Variants in MSH5 observed in about 807,000 individuals in gnomAD.
MSH5 encodes mutS protein homolog 5.
In MSH5, 78 loss-of-function variants were observed where a neutral mutation model predicts 107.7. That is an observed-to-expected ratio of 0.72 (90% CI 0.60 to 0.87). The LOEUF (loss-of-function observed/expected upper bound fraction) is 0.87. Among genes scored for constraint, MSH5 ranks in the 40% least tolerant of loss-of-function variants. The probability of loss-of-function intolerance (pLI) is 0.00; values close to 1 mark genes in which losing one functional copy is unlikely to be tolerated. For synonymous variants in MSH5, 326 were observed against 399.5 expected (o/e 0.82, Z 2.19); for missense variants, 889 against 1,046.6 (o/e 0.85, Z 2.08).
intron 10 of MSH5, among the ~76,000 whole-genome samples, chr6:31,752,301 C>T (rs1308442559): frequency 6.7e-6 from 1 of 150,188 alleles, no homozygotes; most frequent in Non-Finnish European, 1.5e-5. Context: ...TAGCTGAGCA[C>T]AGTGGCGGGT....
chr6:31,759,899 A>G lies in MSH5; in HGVS notation c.1609A>G (p.Ser537Gly). ...CCTGGACGTCCTGCTGGCTCTTGCC[A>G]GTGCTGCCCGGGACTATGGCTACTC... ...SRLDVLLALA[S>G]AARDYGYSRP... is the part of the protein sequence containing the mutation. The change falls in exon 18 of 25, where the codon AGT becomes GGT. Residue 537 changes from serine (S) to glycine (G), a missense_variant. Ser to Gly is a moderately conservative substitution (Grantham distance 56, BLOSUM62 0). Around this residue, in one of 3 missense-constraint regions of MSH5, gnomAD observed 362 missense variants for 456.2 expected, o/e 0.79. Coordinates refer to ENST00000375750, the MANE Select transcript of MSH5 (RefSeq NM_172166.4). The surrounding 1 kb of genome is among the most constrained non-coding windows in gnomAD (Gnocchi z 4.7). 2 of 1,614,200 alleles carry G rather than the reference A, an allele frequency of 1.2e-6. No homozygotes were observed. Among genetic ancestry groups the G allele is most frequent in the Non-Finnish European group, 1.7e-6 (2 of 1,180,024 alleles).
intron 10 of MSH5, among the ~76,000 whole-genome samples, chr6:31,749,965 T>G (rs1809802390): frequency 6.6e-6 from 1 of 152,174 alleles, no homozygotes; most frequent in Non-Finnish European, 1.5e-5. Context: ...CATCTCCAGG[T>G]AATCAGCATC....
intron 10 of MSH5, among the ~76,000 whole-genome samples, chr6:31,748,069 A>G (rs1809620846): frequency 6.6e-6 from 1 of 152,008 alleles, no homozygotes; most frequent in Non-Finnish European, 1.5e-5. Flanking sequence ...GTTATAGAAA[A>G]CACACTTCAC....
intron 10 of MSH5, among the ~76,000 whole-genome samples, chr6:31,749,872 C>T (rs1269064141): frequency 6.6e-6 from 1 of 152,190 alleles, no homozygotes; most frequent in African/African-American, 2.4e-5. Context: ...CTTTGCTAGC[C>T]TCAGGTGCAC....
Position 31,744,600 on chromosome 6 carries a change from G to C in MSH5, c.683+19G>C. The stretch of plus-strand genomic sequence containing the variant: ...CTTACAGGTAAAGAGGTGGAGGCAT[G>C]CTGCTGTCTCTGGGGAGGGAGAAGG... On this transcript the variant is annotated intron_variant, in intron 8 of 24. Transcript: ENST00000375750. The C allele has an allele frequency of 1.2e-6, 2 of 1,612,944 alleles. No individual in the cohort carries two copies. The highest frequency in any genetic ancestry group is 1.7e-6 in the Non-Finnish European group (2 of 1,179,804).
At position 31,742,849 on chromosome 6, in the gene MSH5, C is replaced by T. The variant is rs562039818; in HGVS notation, c.272-28C>T. 6 of 1,606,572 alleles carry T rather than the reference C, an allele frequency of 3.7e-6. No homozygotes were observed. In the East Asian group the frequency reaches 1.1e-4, roughly 30 times the overall value. On this transcript the variant is annotated intron_variant, in intron 3 of 24. Transcript: ENST00000375750. ...TTAGTCAAAGACAAAGATCCTTTAA[C>T]TCATTTGATCTCTGTTCTCCTTCCA...
chr6:31,745,331 C>A lies in MSH5; in HGVS notation c.766+12C>A. 1 of 1,590,652 alleles carries A rather than the reference C, an allele frequency of 6.3e-7. No individual in the cohort carries two copies. The highest frequency in any genetic ancestry group is 8.6e-7 in the Non-Finnish European group (1 of 1,159,630). ...GCTCAGCCTCTTTGGTAGGTGTGCC[C>A]CATCCCTCATCTCACATTACAAAGA... On this transcript the variant is annotated intron_variant, in intron 9 of 24. Transcript: ENST00000375750.
At chr6:31,755,264 C>T (rs768042900) in intron 12 of MSH5, among the ~76,000 whole-genome samples, 2 of 152,084 alleles carry the variant, frequency 1.3e-5, no homozygotes, top group African/African-American at 2.4e-5. Flanking sequence ...CGATCCTCCC[C>T]CCTCAGCCTC....
rs1225229120 is a variant in MSH5, at chr6:31,753,446, CCAGGGTGGAGGG to C, written c.951+13_951+24del. 1.2e-6 allele frequency: 2 copies of C among 1,613,236 alleles called. No individual in the cohort carries two copies. On this transcript the variant is annotated splice_region_variant and intron_variant, in intron 11 of 24. Transcript: ENST00000375750. ...TCACATCAAGAACGTGCCTGTGAGC[CCAGGGTGGAGGG>C]CAGGGAGGTGGGGAAGGAGGTTGAG...
intron 10 of MSH5, among the ~76,000 whole-genome samples, chr6:31,751,825 G>A (rs1399076228): frequency 2.0e-5 from 3 of 152,024 alleles, no homozygotes; most frequent in Non-Finnish European, 4.4e-5. Flanking sequence ...ATGGCCAGGC[G>A]CAGTAGCTCA....
chr6:31,744,148 G>A lies in MSH5; in HGVS notation c.538-42G>A. 2.5e-6 allele frequency: 4 copies of A among 1,596,554 alleles called. No individual in the cohort carries two copies. The South Asian group carries it at 3.4e-5, about 14-fold the overall frequency. On this transcript the variant is annotated intron_variant, in intron 6 of 24. Coordinates refer to ENST00000375750, the MANE Select transcript of MSH5 (RefSeq NM_172166.4). ...CCCTGGTGCTCTGCAGCCCCCAGGAGATTTAAGATTTACCCCGATTCCACT... is the reference window on the plus strand; with the variant it reads ...CCCTGGTGCTCTGCAGCCCCCAGGAAATTTAAGATTTACCCCGATTCCACT...
Position 31,760,924 on chromosome 6 carries a change from C to CAGCAGAGGGCATGCTTT in MSH5, c.1962+85_1962+86insAGCAGAGGGCATGCTTT. 6.9e-7 allele frequency: 1 copy of CAGCAGAGGGCATGCTTT among 1,447,044 alleles called. No homozygotes were observed. The highest frequency in any genetic ancestry group is 9.4e-7 in the Non-Finnish European group (1 of 1,065,230). The allele number at this position is 1,447,044 out of a possible 1,614,324, so 89.6% of individuals were successfully genotyped here. A position where few individuals can be genotyped will look rare whatever the true frequency, so the allele number is the denominator to read the frequency against. On this transcript the variant is annotated intron_variant, in intron 20 of 24. Transcript: ENST00000375750. The surrounding 1 kb of genome is among the most constrained non-coding windows in gnomAD (Gnocchi z 5.6). ...AAAATGCTCATAACAGGAAAGCATGCCCTCTGCTGCATGCCCTTTATACTA... is the reference window on the plus strand; with the variant it reads ...AAAATGCTCATAACAGGAAAGCATGCAGCAGAGGGCATGCTTTCCTCTGCTGCATGCCCTTTATACTA...
rs775491891 is a variant in MSH5, at chr6:31,759,931, G to C, written c.1641G>C (p.Pro547=). Residue 547 remains proline, a synonymous_variant, in exon 18 of 25, where the codon CCG becomes CCC. Coordinates refer to ENST00000375750, the MANE Select transcript of MSH5 (RefSeq NM_172166.4). This position sits in a 1 kb window ranked among gnomAD's most constrained non-coding sequence, Gnocchi z 4.7. ...SAARDYGYSR[P]RYSPQVLGVR... is the part of the protein sequence containing the mutation. The stretch of plus-strand genomic sequence containing the variant: ...CCCGGGACTATGGCTACTCAAGGCC[G>C]CGTTACTCCCCACAAGTCCTTGGGG... The C allele has an allele frequency of 1.2e-5, 20 of 1,614,082 alleles. No individual in the cohort carries two copies. The highest frequency in any genetic ancestry group is 1.6e-5 in the Non-Finnish European group (19 of 1,180,038).
In MSH5 at chr6:31,740,436, CACTT is replaced by C; in HGVS notation, c.-13-17_-13-14del. ...TGAATCGTTGCTTCCGAACCGCCCT[CACTT>C]TTTGCATCCGCAGAGCCTCCAAGCT... On this transcript the variant is annotated splice_polypyrimidine_tract_variant and intron_variant, in intron 1 of 24. Transcript: ENST00000375750. This position sits in a 1 kb window ranked among gnomAD's most constrained non-coding sequence, Gnocchi z 4.4. 6.5e-7 allele frequency: 1 copy of C among 1,546,932 alleles called. No homozygotes were observed. The highest frequency in any genetic ancestry group is 8.7e-7 in the Non-Finnish European group (1 of 1,145,128).
In MSH5 at chr6:31,741,035, A is replaced by G. The variant is rs971264885; in HGVS notation, c.148-128A>G. 78 of 1,230,690 alleles carry G rather than the reference A, an allele frequency of 6.3e-5. 1 individual carries two copies. Among genetic ancestry groups the G allele is most frequent in the Non-Finnish European group, 7.9e-6 (7 of 888,762 alleles). The allele number at this position is 1,230,690 out of a possible 1,614,324, so 76.2% of individuals were successfully genotyped here. On this transcript the variant is annotated intron_variant, in intron 2 of 24. Transcript: ENST00000375750. ...CTTACCTCCTGAGTGGCTGTTTCACATTCACTAAATGGGGGTGATGATGCC... is the reference window on the plus strand; with the variant it reads ...CTTACCTCCTGAGTGGCTGTTTCACGTTCACTAAATGGGGGTGATGATGCC...
chr6:31,750,631 A>G (rs1205934029), intron 10 of MSH5, among the ~76,000 whole-genome samples: 3 of 152,162 alleles, frequency 2.0e-5, no homozygotes, highest in Non-Finnish European at 4.4e-5. Flanking sequence ...TGTGCTTTCT[A>G]AAGTGGGGAT....
rs577811544 is a variant in MSH5, at chr6:31,761,193, G to A, written c.1968G>A (p.Ala656=). The change falls in exon 21 of 25, where the codon GCG becomes GCA. Residue 656 remains alanine, a synonymous_variant. Coordinates refer to ENST00000375750, the MANE Select transcript of MSH5 (RefSeq NM_172166.4). The surrounding 1 kb of genome is among the most constrained non-coding windows in gnomAD (Gnocchi z 5.3). Reference sequence around the variant, plus strand: ...GTCCACCTTATACCCAGCAGGTGGCGAAAGCAGTGAACAATGCCACTGCAC... The same window carrying A: ...GTCCACCTTATACCCAGCAGGTGGCAAAAGCAGTGAACAATGCCACTGCAC... ...STFMIDLNQV[A]KAVNNATAQS... The A allele has an allele frequency of 2.6e-4, 415 of 1,613,730 alleles. 8 individuals are homozygous for A. In the South Asian group the frequency reaches 3.7e-3, roughly 14 times the overall value.
chr6:31,760,742 A>C lies in MSH5; in HGVS notation c.1865A>C (p.Glu622Ala). The change falls in exon 20 of 25, where the codon GAG (glutamate) becomes GCG (alanine). Residue 622 changes from glutamate to alanine, a missense_variant. Coordinates refer to ENST00000375750, the MANE Select transcript of MSH5 (RefSeq NM_172166.4). This position sits in a 1 kb window ranked among gnomAD's most constrained non-coding sequence, Gnocchi z 5.6. ...GTAGGCAGCTTTGTGCCAGCAGAGG[A>C]GGCCGAAATTGGGGCAGTAGACGCC... is the stretch of plus-strand genomic sequence containing the variant. ...ALVGSFVPAE[E>A]AEIGAVDAIF... The C allele has an allele frequency of 6.2e-7, 1 of 1,613,036 alleles. No individual in the cohort carries two copies. Among genetic ancestry groups the C allele is most frequent in the Non-Finnish European group, 8.5e-7 (1 of 1,180,042 alleles).
In MSH5 at chr6:31,760,991, C is replaced by A. The variant is rs115299064; in HGVS notation, c.1962+152C>A. The stretch of plus-strand genomic sequence containing the variant: ...AGGTCAGAGATAAGAAGAATCAATA[C>A]CATAAACATTTCTTGAACCCTTGTT... On this transcript the variant is annotated intron_variant, in intron 20 of 24. Coordinates refer to ENST00000375750, the MANE Select transcript of MSH5 (RefSeq NM_172166.4). The surrounding 1 kb of genome is among the most constrained non-coding windows in gnomAD (Gnocchi z 5.6). 147 of 1,090,484 alleles carry A rather than the reference C, an allele frequency of 1.3e-4. No individual in the cohort carries two copies. In the African/African-American group the frequency reaches 2.1e-3, roughly 16 times the overall value. 67.6% of individuals were successfully genotyped at this position (1,090,484 alleles called of 1,614,324 possible).
Sources: gnomAD v4.1 joint callset for allele counts (sites outside exome capture counted in the v4.1 genomes callset) on GRCh38, gnomAD v4.1.1 for gene constraint, gnomAD v4.1.1 regional missense constraint, Gnocchi (gnomAD v3.1) non-coding constraint, MANE v1.5 for transcripts, NCBI Gene and HGNC (gene_info 2026-07-23, HGNC 2026-07-21) for gene names.